Variants in OR1B1 observed in about 807,000 individuals in gnomAD.
OR1B1 encodes the protein olfactory receptor family 1 subfamily B member 1.
For synonymous variants in OR1B1, 168 were observed against 156.2 expected, an observed-to-expected ratio of 1.08 and a Z score of -0.57; for missense variants, 414 against 402.1, an observed-to-expected ratio of 1.03 and a Z score of -0.25.
chr9:122,635,863 A>G, the OR1B1 span, among the ~76,000 whole-genome samples: 1 of 150,960 alleles, frequency 6.6e-6, no homozygotes, highest in Non-Finnish European at 1.5e-5. Flanking sequence ...GGTTATATTA[A>G]AAGCAACAAG....
chr9:122,650,833 C>T, the OR1B1 span, among the ~76,000 whole-genome samples: 1 of 151,956 alleles, frequency 6.6e-6, no homozygotes, highest in Non-Finnish European at 1.5e-5. Context: ...ACCATCCTGG[C>T]TAACACGGTG....
chr9:122,632,281 T>C (rs927697205), upstream of OR1B1, among the ~76,000 whole-genome samples: 11 of 150,650 alleles, frequency 7.3e-5, no homozygotes, highest in Non-Finnish European at 1.3e-4. Flanking sequence ...ATAAAGATTA[T>C]AAGAAAGAAG....
chr9:122,649,833 C>T, the OR1B1 span, among the ~76,000 whole-genome samples: 11 of 152,176 alleles, frequency 7.2e-5, no homozygotes, highest in African/African-American at 2.7e-4. Context: ...TTGTGGAAGA[C>T]AGTGTGGCAA....
chr9:122,643,933 T>A, the OR1B1 span, among the ~76,000 whole-genome samples: 1 of 152,122 alleles, frequency 6.6e-6, no homozygotes, highest in African/African-American at 2.4e-5. Flanking sequence ...TAAAGAGCCC[T>A]TGGGTCCTGA....
chr9:122,654,338 G>T, the OR1B1 span, among the ~76,000 whole-genome samples: 3,772 of 152,258 alleles, frequency 0.025, 157 homozygotes, highest in East Asian at 0.19. Context: ...TATCCAGAGC[G>T]AGACTTGCTC....
chr9:122,640,450 T>C, the OR1B1 span, among the ~76,000 whole-genome samples: 1 of 152,102 alleles, frequency 6.6e-6, no homozygotes, highest in Non-Finnish European at 1.5e-5. Flanking sequence ...AATGGAGGGC[T>C]AATAATATAG....
the OR1B1 span, among the ~76,000 whole-genome samples, chr9:122,640,164 T>C: frequency 2.6e-5 from 4 of 152,158 alleles, no homozygotes; most frequent in Non-Finnish European, 5.9e-5. Context: ...TTTCCTTCTT[T>C]ACTATTATTA....
chr9:122,635,119 G>A, the OR1B1 span, among the ~76,000 whole-genome samples: 1 of 152,126 alleles, frequency 6.6e-6, no homozygotes, highest in Non-Finnish European at 1.5e-5. Flanking sequence ...CTAAAATATG[G>A]AAACAACCTA....
chr9:122,647,993 ACAAT>A, the OR1B1 span, among the ~76,000 whole-genome samples: 212 of 152,264 alleles, frequency 1.4e-3, 1 homozygote, highest in African/African-American at 4.8e-3. Flanking sequence ...CTTTGTTTTC[ACAAT>A]CAGTTAGCTA....
chr9:122,637,639 C>T, the OR1B1 span, among the ~76,000 whole-genome samples: 6 of 152,278 alleles, frequency 3.9e-5, no homozygotes, highest in South Asian at 8.3e-4. Context: ...TTCCCTCAAG[C>T]TTTCTTTAAG....
upstream of OR1B1, among the ~76,000 whole-genome samples, chr9:122,629,951 T>C (rs1255452004): frequency 6.6e-6 from 1 of 152,240 alleles, no homozygotes; most frequent in Admixed American, 6.5e-5. Flanking sequence ...GCAATCCTCA[T>C]GATGTCTTCT....
the OR1B1 span, among the ~76,000 whole-genome samples, chr9:122,653,799 G>A: frequency 7.9e-5 from 12 of 152,296 alleles, no homozygotes; most frequent in African/African-American, 2.9e-4. Context: ...TTACACTCAA[G>A]ATCCCCTCAG....
chr9:122,641,858 A>G, the OR1B1 span, among the ~76,000 whole-genome samples: 2 of 152,236 alleles, frequency 1.3e-5, no homozygotes, highest in Non-Finnish European at 2.9e-5. Flanking sequence ...TTATAAATCT[A>G]TACAAATTTT....
the OR1B1 span, among the ~76,000 whole-genome samples, chr9:122,641,022 C>G: frequency 1.1e-4 from 17 of 151,972 alleles, no homozygotes; most frequent in South Asian, 4.1e-4. Context: ...TATAAGCAAA[C>G]GGGCTTGTGA....
chr9:122,629,500 C>T lies in OR1B1; in HGVS notation c.36G>A (p.Pro12=), dbSNP rs575975202. ...TCGAGAACCCAAGGAGCAAAAAAAC[C>T]GGAGAGTGTGAAGCATTAGGGGCAA... The change falls in exon 1 of 1, where the codon CCG becomes CCA. Residue 12 remains proline (P), a synonymous_variant. Coordinates refer to ENST00000623530, the Ensembl canonical transcript of OR1B1. 108 of 1,612,250 alleles carry T rather than the reference C, an allele frequency of 6.7e-5. 1 individual carries two copies. The South Asian group carries it at 7.4e-4, about 11-fold the overall frequency.
chr9:122,643,472 C>A, the OR1B1 span, among the ~76,000 whole-genome samples: 1 of 152,208 alleles, frequency 6.6e-6, no homozygotes. Context: ...CTGAGTTACT[C>A]AGCAAGCCTC....
Position 122,628,825 on chromosome 9 carries a change from A to T in OR1B1, c.711T>A (p.Ala237=). ...TGGAGACTGCTCGGCGGCGACCAGC[A>T]GCTGAAGGCAAACGTAGAATAGCGG... is the stretch of plus-strand genomic sequence containing the variant. Residue 237 remains alanine, a synonymous_variant, in exon 1 of 1, where the codon GCT becomes GCA. Transcript: ENST00000623530. 4.3e-6 allele frequency: 7 copies of T among 1,614,176 alleles called. No individual in the cohort carries two copies. The South Asian group carries it at 4.4e-5, about 10-fold the overall frequency.
exon 1 of OR1B1, chr9:122,628,804 G>T (rs1830167571): frequency 1.2e-6 from 2 of 1,614,030 alleles, no homozygotes; most frequent in African/African-American, 2.7e-5. Context: ...CACAGGTGGA[G>T]ACTGCTCGGC....
chr9:122,654,041 A>G, the OR1B1 span, among the ~76,000 whole-genome samples: 192 of 152,114 alleles, frequency 1.3e-3, no homozygotes, highest in Non-Finnish European at 2.4e-3. Context: ...AGAAAAAGAG[A>G]CTCTTTTCCA....
Sources: gnomAD v4.1 joint callset for allele counts (sites outside exome capture counted in the v4.1 genomes callset) on GRCh38, gnomAD v4.1.1 for gene constraint, MANE v1.5 for transcripts, NCBI Gene and HGNC (gene_info 2026-07-23, HGNC 2026-07-21) for gene names.